The following STEAP1B variants were observed in gnomAD, a reference collection of about 807,000 sequenced individuals.
The protein encoded by STEAP1B is STEAP family protein MGC87042.
In STEAP1B, 13 loss-of-function variants were observed where a neutral mutation model predicts 27.9. That is an observed-to-expected ratio of 0.47 (90% CI 0.30 to 0.74). The LOEUF (loss-of-function observed/expected upper bound fraction) is 0.74. Among genes scored for constraint, STEAP1B ranks in the 30% least tolerant of loss-of-function variants. STEAP1B has a pLI of 0.06. For synonymous variants in STEAP1B, 86 were observed against 107.1 expected (o/e 0.80, Z 1.22); for missense variants, 250 against 298.7 (o/e 0.84, Z 1.20).
chr7:22,464,948 C>CATATAT (rs75308240), intron 4 of STEAP1B, among the ~76,000 whole-genome samples: 2,401 of 45,008 alleles, frequency 0.053, 577 homozygotes, highest in African/African-American at 0.13. Context: ...TACCAAACCC[C>CATATAT]ATATATATAT....
chr7:22,430,783 C>A (rs1258297114), intron 4 of STEAP1B, among the ~76,000 whole-genome samples: 1 of 152,224 alleles, frequency 6.6e-6, no homozygotes, highest in African/African-American at 2.4e-5. Flanking sequence ...TGCCTCAGGC[C>A]TTCTAAGCCC....
At chr7:22,440,351 C>T (rs2128401794) in intron 4 of STEAP1B, among the ~76,000 whole-genome samples, 1 of 152,204 alleles carries the variant, frequency 6.6e-6, no homozygotes, top group African/African-American at 2.4e-5. Context: ...CAACATTTAA[C>T]TTGGGTGAAA....
chr7:22,468,991 G>GT (rs912403888), intron 4 of STEAP1B, among the ~76,000 whole-genome samples: 3 of 152,000 alleles, frequency 2.0e-5, no homozygotes, highest in Non-Finnish European at 4.4e-5. Flanking sequence ...TTATTTTACA[G>GT]TTTTTTTTAA....
intron 4 of STEAP1B, among the ~76,000 whole-genome samples, chr7:22,489,160 AC>A (rs943461047): frequency 2.0e-5 from 3 of 152,106 alleles, no homozygotes; most frequent in Non-Finnish European, 4.4e-5. Flanking sequence ...AGAACATAAG[AC>A]CTAGGGTCTG....
intron 4 of STEAP1B, among the ~76,000 whole-genome samples, chr7:22,436,451 G>C (rs1378629157): frequency 1.3e-5 from 2 of 152,078 alleles, no homozygotes; most frequent in Non-Finnish European, 2.9e-5. Context: ...ACATGTGCAG[G>C]TTTGTCATAT....
chr7:22,467,895 T>G lies in STEAP1B; in HGVS notation c.762+24670A>C, dbSNP rs561182984. Among the ~76,000 whole-genome samples, 5 of 152,338 alleles carry G rather than the reference T, an allele frequency of 3.3e-5. No homozygotes were observed. In the East Asian group the frequency reaches 9.6e-4, roughly 29 times the overall value. ...ACCTTTGAATTCCTCCTACATCTTC[T>G]TCATGGATATTTGGAAATTCCTTTG... On this transcript the variant is annotated intron_variant, in intron 4 of 4. Coordinates refer to ENST00000678116, the MANE Select transcript of STEAP1B (RefSeq NM_001382447.1).
At chr7:22,451,015 T>C (rs1291204593) in intron 4 of STEAP1B, among the ~76,000 whole-genome samples, 3 of 152,052 alleles carry the variant, frequency 2.0e-5, no homozygotes, top group Non-Finnish European at 2.9e-5. Context: ...GCTAACATGG[T>C]GAAACCTTGT....
chr7:22,485,756 C>T (rs985543986), intron 4 of STEAP1B, among the ~76,000 whole-genome samples: 1 of 152,186 alleles, frequency 6.6e-6, no homozygotes, highest in Admixed American at 6.5e-5. Context: ...GAAATTCCAC[C>T]ATGAGAAATT....
intron 4 of STEAP1B, among the ~76,000 whole-genome samples, chr7:22,450,572 C>T (rs1355856763): frequency 2.0e-5 from 3 of 147,316 alleles, no homozygotes; most frequent in African/African-American, 7.4e-5. Flanking sequence ...CTTTTGGTTA[C>T]TTAGGTAATG....
intron 4 of STEAP1B, among the ~76,000 whole-genome samples, chr7:22,435,348 A>G (rs1387960790): frequency 1.3e-5 from 2 of 152,154 alleles, no homozygotes; most frequent in Non-Finnish European, 2.9e-5. Context: ...ACCAGGCACA[A>G]ACAAACCACA....
chr7:22,448,754 CTTATT>C (rs2128403816), intron 4 of STEAP1B, among the ~76,000 whole-genome samples: 1 of 152,186 alleles, frequency 6.6e-6, no homozygotes, highest in Admixed American at 6.5e-5. Context: ...TGAGGCCAAT[CTTATT>C]AGGAAAGAGT....
At chr7:22,432,974 A>G (rs963288565) in intron 4 of STEAP1B, among the ~76,000 whole-genome samples, 1 of 152,190 alleles carries the variant, frequency 6.6e-6, no homozygotes, top group Admixed American at 6.5e-5. Flanking sequence ...AGGTAGAAAA[A>G]TACTCAGCCC....
At chr7:22,427,888 G>T (rs1785128913) in intron 4 of STEAP1B, among the ~76,000 whole-genome samples, 1 of 152,190 alleles carries the variant, frequency 6.6e-6, no homozygotes, top group African/African-American at 2.4e-5. Context: ...CACAACAAAT[G>T]ATTTGAAAGA....
At chr7:22,495,455 T>C (rs559883316) in intron 1 of STEAP1B, 25 of 151,942 alleles carry the variant, frequency 1.6e-4, no homozygotes, top group African/African-American at 5.8e-4. Flanking sequence ...GCTGAATTAA[T>C]GATGTGCCCA....
intron 4 of STEAP1B, among the ~76,000 whole-genome samples, chr7:22,441,913 T>C (rs1010576731): frequency 1.3e-5 from 2 of 152,234 alleles, no homozygotes; most frequent in African/African-American, 2.4e-5. Flanking sequence ...AGTAAGACTT[T>C]TGAATAAAAC....
chr7:22,457,666 C>T (rs1481419220), intron 4 of STEAP1B, among the ~76,000 whole-genome samples: 1 of 152,220 alleles, frequency 6.6e-6, no homozygotes, highest in African/African-American at 2.4e-5. Flanking sequence ...GCCAGCGTGC[C>T]TTCCTAAGTC....
At chr7:22,472,409 A>G (rs1425290155) in intron 4 of STEAP1B, among the ~76,000 whole-genome samples, 2 of 152,182 alleles carry the variant, frequency 1.3e-5, no homozygotes, top group Admixed American at 6.5e-5. Flanking sequence ...GCAAATGTCA[A>G]AAGTATCAGC....
intron 4 of STEAP1B, among the ~76,000 whole-genome samples, chr7:22,483,887 T>C (rs1786129248): frequency 6.6e-6 from 1 of 152,202 alleles, no homozygotes; most frequent in Admixed American, 6.5e-5. Flanking sequence ...CCAGTTACAA[T>C]AGTAACAAAG....
chr7:22,496,875 T>C (rs1786451099), intron 1 of STEAP1B, among the ~76,000 whole-genome samples: 1 of 152,262 alleles, frequency 6.6e-6, no homozygotes, highest in South Asian at 2.1e-4. Flanking sequence ...TAACAAAGGA[T>C]AACGAGATGC....
Sources: allele counts gnomAD v4.1 joint callset (sites outside exome capture counted in the v4.1 genomes callset), GRCh38; gene constraint gnomAD v4.1.1; transcripts MANE v1.5; gene names NCBI Gene and HGNC (gene_info 2026-07-23, HGNC 2026-07-21).